CCSER1: variants seen among roughly 807,000 people sequenced by gnomAD.
CCSER1 encodes serine-rich coiled-coil domain-containing protein 1.
In CCSER1, 41 loss-of-function variants were observed where a neutral mutation model predicts 82.0. The observed-to-expected ratio is 0.50, with a 90% CI of 0.39 to 0.65. The LOEUF is 0.65. Among genes scored for constraint, CCSER1 ranks in the 30% least tolerant of loss-of-function variants. The probability of loss-of-function intolerance (pLI) is 0.00; values close to 1 mark genes in which losing one functional copy is unlikely to be tolerated. For missense variants in CCSER1, 1,119 were observed against 1,064.2 expected, an observed-to-expected ratio of 1.05 and a Z score of -0.72; for synonymous variants, 414 against 383.9, an observed-to-expected ratio of 1.08 and a Z score of -0.92.
chr4:90,433,481 T>G (rs1444810280), intron 4 of CCSER1, among the ~76,000 whole-genome samples: 1 of 152,112 alleles, frequency 6.6e-6, no homozygotes, highest in Non-Finnish European at 1.5e-5. Context: ...TAGGAATTCA[T>G]GATGTCAAAA....
intron 10 of CCSER1, among the ~76,000 whole-genome samples, chr4:91,358,448 C>G (rs1411207343): frequency 1.4e-5 from 2 of 140,484 alleles, no homozygotes; most frequent in Non-Finnish European, 3.0e-5. Flanking sequence ...ACACATACCA[C>G]AAGACAAAGA....
chr4:90,332,148 A>C (rs1214697661), intron 3 of CCSER1, among the ~76,000 whole-genome samples: 1 of 152,152 alleles, frequency 6.6e-6, no homozygotes, highest in African/African-American at 2.4e-5. Flanking sequence ...TTAAAGAAAA[A>C]GTTAACCAAA....
intron 8 of CCSER1, among the ~76,000 whole-genome samples, chr4:90,863,774 C>T (rs1765387163): frequency 6.6e-6 from 1 of 151,632 alleles, no homozygotes; most frequent in Non-Finnish European, 1.5e-5. Context: ...GATTGTTAAG[C>T]CTTCATTTCT....
chr4:91,220,655 C>T (rs566478800), intron 10 of CCSER1, among the ~76,000 whole-genome samples: 33 of 152,072 alleles, frequency 2.2e-4, no homozygotes, highest in Admixed American at 1.7e-3. Context: ...GTGTCTTTCT[C>T]TTTTTTTATT....
intron 4 of CCSER1, among the ~76,000 whole-genome samples, chr4:90,464,853 T>C (rs1560559505): frequency 6.6e-6 from 1 of 152,238 alleles, no homozygotes; most frequent in African/African-American, 2.4e-5. Context: ...TGAATAAAAT[T>C]TTTTATGCAT....
chr4:91,470,719 C>T lies in CCSER1; in HGVS notation c.2218-127853C>T, dbSNP rs150953330. Among the ~76,000 whole-genome samples the T allele has an allele frequency of 9.7e-3, 1,476 of 152,154 alleles. 9 individuals carry two copies. The highest frequency in any genetic ancestry group is 0.02 in the Middle Eastern group (6 of 294). ...TCAGAACAGAAAATAATTAATAAGC[C>T]ATATCTGCTATGAGTTCTTGTAATC... On this transcript the variant is annotated intron_variant, in intron 10 of 10. Transcript: ENST00000509176.
chr4:91,202,902 C>A (rs889993541), intron 10 of CCSER1, among the ~76,000 whole-genome samples: 2 of 71,004 alleles, frequency 2.8e-5, no homozygotes, highest in African/African-American at 1.1e-4. Context: ...TTTATGATTT[C>A]TTTTTCATCT....
At chr4:91,024,698 A>G (rs1319547304) in intron 9 of CCSER1, among the ~76,000 whole-genome samples, 1 of 152,088 alleles carries the variant, frequency 6.6e-6, no homozygotes, top group African/African-American at 2.4e-5. Context: ...TAGGATTAAT[A>G]TATGCAAATT....
chr4:90,431,406 T>C (rs1758256971), intron 4 of CCSER1, among the ~76,000 whole-genome samples: 1 of 152,048 alleles, frequency 6.6e-6, no homozygotes, highest in African/African-American at 2.4e-5. Flanking sequence ...ATTCCACAAA[T>C]GCCTGCCTTT....
In CCSER1 at chr4:90,188,982, G is replaced by A. The variant is rs1351510718; in HGVS notation, c.-42+61151G>A. ...CAATAAAGAGGACTTGAGGGGTGTA[G>A]ATATGAAAAAATGTAGTTTCTTTAT... On this transcript the variant is annotated intron_variant, in intron 1 of 10. Coordinates refer to ENST00000509176, the MANE Select transcript of CCSER1 (RefSeq NM_001145065.2). 3.9e-5 allele frequency among the ~76,000 whole-genome samples: 6 copies of A among 152,054 alleles called. No individual in the cohort carries two copies. The East Asian group carries it at 1.2e-3, about 30-fold the overall frequency.
intron 10 of CCSER1, among the ~76,000 whole-genome samples, chr4:91,282,074 TGA>T (rs1299322237): frequency 2.6e-5 from 4 of 152,202 alleles, no homozygotes. Context: ...CAAATATTGG[TGA>T]GTCTTTGCCT....
At chr4:90,914,727 A>AAAT (rs1727031668) in intron 8 of CCSER1, among the ~76,000 whole-genome samples, 1 of 150,844 alleles carries the variant, frequency 6.6e-6, no homozygotes, top group Admixed American at 6.6e-5. Context: ...AAAAAAAAAA[A>AAAT]AACTTTTTTG....
chr4:91,332,873 C>T (rs975860842), intron 10 of CCSER1, among the ~76,000 whole-genome samples: 1 of 151,974 alleles, frequency 6.6e-6, no homozygotes, highest in African/African-American at 2.4e-5. Context: ...TTTATTTCTT[C>T]AGGGAGACAT....
chr4:90,348,041 C>G (rs904951112), intron 3 of CCSER1, among the ~76,000 whole-genome samples: 6 of 152,074 alleles, frequency 3.9e-5, no homozygotes, highest in Non-Finnish European at 8.8e-5. Context: ...TGCATGTTCT[C>G]ACTTATAAAT....
In CCSER1 at chr4:91,583,073, C is replaced by T. The variant is rs542924058; in HGVS notation, c.2218-15499C>T. Among the ~76,000 whole-genome samples the T allele has an allele frequency of 5.3e-5, 8 of 151,302 alleles. No individual in the cohort carries two copies. The East Asian group carries it at 1.6e-3, about 30-fold the overall frequency. ...AGCCATGACTAACATACAGTTGGAG[C>T]CACTGATAAATTTCTCACTTTTATT... On this transcript the variant is annotated intron_variant, in intron 10 of 10. Coordinates refer to ENST00000509176, the MANE Select transcript of CCSER1 (RefSeq NM_001145065.2).
At position 90,796,103 on chromosome 4, in the gene CCSER1, T is replaced by G. The variant is rs1262143820; in HGVS notation, c.2011-19659T>G. On this transcript the variant is annotated intron_variant, in intron 7 of 10. Transcript: ENST00000509176. ...TCCTGTACATCTAGTGGAATTCAGC[T>G]GTGAATCCATCTGGTCCTGGGCTTT... is the stretch of plus-strand genomic sequence containing the variant. Among the ~76,000 whole-genome samples the G allele has an allele frequency of 5.9e-5, 9 of 152,120 alleles. No individual in the cohort carries two copies. The East Asian group carries it at 1.4e-3, about 23-fold the overall frequency.
intron 9 of CCSER1, among the ~76,000 whole-genome samples, chr4:90,967,357 G>A (rs1330815341): frequency 1.3e-5 from 2 of 151,922 alleles, no homozygotes; most frequent in Non-Finnish European, 2.9e-5. Context: ...GCTGAGGCAG[G>A]AGAATCGCTT....
chr4:90,514,019 C>T (rs528698822), intron 5 of CCSER1, among the ~76,000 whole-genome samples: 1 of 152,238 alleles, frequency 6.6e-6, no homozygotes, highest in Non-Finnish European at 1.5e-5. Flanking sequence ...GTGGGAGAAG[C>T]TGTGACTTCA....
At chr4:91,079,760 G>T (rs76376115) in intron 9 of CCSER1, among the ~76,000 whole-genome samples, 1 of 152,094 alleles carries the variant, frequency 6.6e-6, no homozygotes, top group South Asian at 2.1e-4. Context: ...CAAAGCAGGG[G>T]TTGCCGTCCT....
Sources: allele counts gnomAD v4.1 joint callset (sites outside exome capture counted in the v4.1 genomes callset), GRCh38; gene constraint gnomAD v4.1.1; transcripts MANE v1.5; gene names NCBI Gene and HGNC (gene_info 2026-07-23, HGNC 2026-07-21).